The following ZFHX3 variants were observed in gnomAD, a reference collection of about 807,000 sequenced individuals.
ZFHX3 encodes the protein zinc finger homeobox 3.
In ZFHX3, 42 loss-of-function variants were observed where a neutral mutation model predicts 279.1. The observed-to-expected ratio is 0.15, with a 90% confidence interval of 0.12 to 0.19. The LOEUF is 0.19. Ranked by LOEUF, ZFHX3 falls within the 10% of genes least tolerant of loss-of-function variation. The pLI is 1.00. For synonymous variants in ZFHX3, 2,293 were observed against 1,957.8 expected, an observed-to-expected ratio of 1.17 and a Z score of -4.52; for missense variants, 4,981 against 4,754.0, an observed-to-expected ratio of 1.05 and a Z score of -1.40.
intron 3 of ZFHX3, among the ~76,000 whole-genome samples, chr16:72,927,212 T>C (rs774850359): frequency 1.3e-5 from 2 of 152,230 alleles, no homozygotes; most frequent in African/African-American, 2.4e-5. Flanking sequence ...ATAATTTCCA[T>C]TTTTAAACAG....
At chr16:73,796,253 G>A (rs553523412) in intron 1 of ZFHX3, among the ~76,000 whole-genome samples, 99 of 152,250 alleles carry the variant, frequency 6.5e-4, no homozygotes, top group African/African-American at 2.3e-3. Context: ...GCCAATTTAG[G>A]GATGAAGATG....
At chr16:73,274,352 A>AT (rs1269186492) in intron 4 of ZFHX3, among the ~76,000 whole-genome samples, 1 of 152,042 alleles carries the variant, frequency 6.6e-6, no homozygotes, top group Non-Finnish European at 1.5e-5. Context: ...GCATTTCTTT[A>AT]TTGGTTTGTA....
chr16:73,316,131 C>T (rs1162999284), intron 4 of ZFHX3, among the ~76,000 whole-genome samples: 4 of 152,208 alleles, frequency 2.6e-5, no homozygotes, highest in African/African-American at 2.4e-5. Context: ...AATCCGGAAG[C>T]TTCTAGTCTA....
intron 4 of ZFHX3, among the ~76,000 whole-genome samples, chr16:73,294,808 T>A (rs1481836100): frequency 8.1e-6 from 1 of 123,434 alleles, no homozygotes; most frequent in Non-Finnish European, 1.6e-5. Flanking sequence ...TAAGACTCCA[T>A]CTCAAAAAAA....
chr16:72,788,032 G>A lies in ZFHX3; in HGVS notation c.10244C>T (p.Ala3415Val), dbSNP rs1439385092. 1.9e-6 allele frequency: 3 copies of A among 1,613,016 alleles called. No individual in the cohort carries two copies. Among genetic ancestry groups the A allele is most frequent in the Non-Finnish European group, 2.5e-6 (3 of 1,179,960 alleles). ...TTCTTCTGGTTTGGGGGATTCTTTG[G>A]CAGGGTCTTTGTCTGGGGAAGGAGC... is the stretch of plus-strand genomic sequence containing the variant. Reference protein sequence around the residue: ...PGAPSPDKDPAKESPKPEEQK... With the variant: ...PGAPSPDKDPVKESPKPEEQK... Residue 3415 changes from alanine to valine, a missense_variant, in exon 10 of 10, where the codon GCC becomes GTC. By Grantham distance (64) the Ala-to-Val change is moderately conservative. Transcript: ENST00000268489.
intron 9 of ZFHX3, among the ~76,000 whole-genome samples, chr16:72,792,772 C>T (rs542335555): frequency 1.3e-5 from 2 of 152,232 alleles, no homozygotes; most frequent in South Asian, 2.1e-4. Context: ...CTTTTGCCAC[C>T]GTAGCTCTCT....
chr16:73,664,146 T>A (rs2052811982), intron 2 of ZFHX3, among the ~76,000 whole-genome samples: 1 of 152,234 alleles, frequency 6.6e-6, no homozygotes. Flanking sequence ...AAGTCAGTTT[T>A]CCAAACTGAA....
At chr16:73,647,559 T>C (rs2052631797) in intron 2 of ZFHX3, among the ~76,000 whole-genome samples, 1 of 152,204 alleles carries the variant, frequency 6.6e-6, no homozygotes, top group Non-Finnish European at 1.5e-5. Context: ...TCATGCTTCC[T>C]GTTAAGCCTG....
In ZFHX3 at chr16:73,076,215, C is replaced by G. The variant is rs111937878; in HGVS notation, c.-533+17020G>C. ...TTAACAATATTCTGATATTTCTTAC[C>G]TGTCAGCATTGCAGGGTTGCAGCGT... On this transcript the variant is annotated intron_variant, in intron 8 of 17. Coordinates refer to the ZFHX3 transcript ENST00000641206. Among the ~76,000 whole-genome samples the G allele has an allele frequency of 1.4e-3, 208 of 152,250 alleles. 3 individuals are homozygous for G. The highest frequency in any genetic ancestry group is 4.8e-3 in the African/African-American group (200 of 41,552).
intron 2 of ZFHX3, among the ~76,000 whole-genome samples, chr16:73,486,599 C>A (rs991737457): frequency 1.3e-5 from 2 of 152,170 alleles, no homozygotes; most frequent in African/African-American, 4.8e-5. Context: ...CAGAGGGTCC[C>A]CCACATAAAG....
At chr16:73,440,470 A>C (rs1260032468) in intron 3 of ZFHX3, among the ~76,000 whole-genome samples, 4 of 152,204 alleles carry the variant, frequency 2.6e-5, no homozygotes, top group Admixed American at 6.5e-5. Flanking sequence ...TTTGGCACCA[A>C]TTAACCATTC....
At chr16:73,063,868 G>T (rs1238250892), upstream of ZFHX3, among the ~76,000 whole-genome samples, 1 of 152,158 alleles carries the variant, frequency 6.6e-6, no homozygotes, top group Non-Finnish European at 1.5e-5. Context: ...ACCAAATTCA[G>T]ATGTGTTTCT....
intron 1 of ZFHX3, among the ~76,000 whole-genome samples, chr16:73,756,296 A>G (rs2053808471): frequency 6.6e-6 from 1 of 152,140 alleles, no homozygotes; most frequent in Non-Finnish European, 1.5e-5. Context: ...GAGGGGTAGC[A>G]TTTTCTTCAT....
chr16:73,555,302 C>T (rs777863566), intron 2 of ZFHX3, among the ~76,000 whole-genome samples: 12 of 150,910 alleles, frequency 8.0e-5, no homozygotes, highest in Non-Finnish European at 1.6e-4. Context: ...CTACAGGCAC[C>T]CGCCACCACA....
intron 1 of ZFHX3, among the ~76,000 whole-genome samples, chr16:73,857,067 C>G (rs1001731889): frequency 2.0e-4 from 31 of 152,130 alleles, no homozygotes; most frequent in Admixed American, 1.8e-3. Flanking sequence ...GCCTTTCCTA[C>G]CAATTAAAGG....
intron 5 of ZFHX3, among the ~76,000 whole-genome samples, chr16:73,189,436 T>C (rs1967982150): frequency 6.6e-6 from 1 of 152,182 alleles, no homozygotes. Flanking sequence ...ACAAATGTAC[T>C]ACAGGGAACG....
intron 3 of ZFHX3, among the ~76,000 whole-genome samples, chr16:72,920,763 T>A (rs933585780): frequency 3.3e-5 from 5 of 151,660 alleles, no homozygotes; most frequent in Admixed American, 3.3e-4. Flanking sequence ...AGACAACAAC[T>A]TTTTTAGCTT....
chr16:73,856,736 A>G (rs1961738348), intron 1 of ZFHX3, among the ~76,000 whole-genome samples: 1 of 152,208 alleles, frequency 6.6e-6, no homozygotes, highest in African/African-American at 2.4e-5. Flanking sequence ...ACCCTTTGGA[A>G]AGCTCTAATC....
chr16:72,892,568 C>T (rs2038799923), intron 3 of ZFHX3, among the ~76,000 whole-genome samples: 1 of 149,968 alleles, frequency 6.7e-6, no homozygotes, highest in Non-Finnish European at 1.5e-5. Context: ...AGTGCAAAGG[C>T]TTAATCTTGG....
Sources: gnomAD v4.1 joint callset for allele counts (sites outside exome capture counted in the v4.1 genomes callset) on GRCh38, gnomAD v4.1.1 for gene constraint, MANE v1.5 for transcripts, NCBI Gene and HGNC (gene_info 2026-07-23, HGNC 2026-07-21) for gene names.